Variants in KANSL1 observed in about 807,000 individuals in gnomAD.
KANSL1 encodes KAT8 regulatory NSL complex subunit 1, also known as MLL1/MLL complex subunit KANSL1.
In KANSL1, 22 loss-of-function variants were observed where a neutral mutation model predicts 103.6. That is an observed-to-expected ratio of 0.21 (90% CI 0.15 to 0.30). The LOEUF (loss-of-function observed/expected upper bound fraction) is 0.30, where lower values mean the gene tolerates loss of function less well. Ranked by LOEUF, KANSL1 falls within the 10% of genes least tolerant of loss-of-function variation. KANSL1 has a pLI of 1.00. For synonymous variants in KANSL1, 600 were observed against 527.6 expected (o/e 1.14, Z -1.88); for missense variants, 1,337 against 1,399.8 (o/e 0.96, Z 0.72).
chr17:46,034,994 T>C (rs931339114), intron 10 of KANSL1: 2 of 152,214 alleles, frequency 1.3e-5, no homozygotes, highest in Admixed American at 6.5e-5. Flanking sequence ...TAGGAAATAG[T>C]TGAGAAGACC....
chr17:46,119,511 T>C (rs776699827), intron 2 of KANSL1, among the ~76,000 whole-genome samples: 10 of 152,126 alleles, frequency 6.6e-5, no homozygotes, highest in Non-Finnish European at 5.9e-5. Flanking sequence ...TTCACCATGT[T>C]GGCCAGGCTG....
chr17:46,137,589 T>A (rs1361998889), intron 2 of KANSL1, among the ~76,000 whole-genome samples: 1 of 152,208 alleles, frequency 6.6e-6, no homozygotes, highest in Non-Finnish European at 1.5e-5. Flanking sequence ...TTTTGAAAAC[T>A]GTTTCGCCGG....
chr17:46,170,097 G>A (rs573043755), intron 2 of KANSL1, among the ~76,000 whole-genome samples: 4 of 152,198 alleles, frequency 2.6e-5, no homozygotes, highest in South Asian at 4.1e-4. Context: ...AGCTGAGATC[G>A]CACTACTGCA....
intron 7 of KANSL1, chr17:46,042,641 A>G (rs2077364426): frequency 6.6e-6 from 1 of 152,214 alleles, no homozygotes. Flanking sequence ...ACAGTACAAA[A>G]TATTTTCCAA....
intron 3 of KANSL1, among the ~76,000 whole-genome samples, chr17:46,082,919 T>C (rs2079036577): frequency 6.6e-6 from 1 of 152,216 alleles, no homozygotes; most frequent in Admixed American, 6.5e-5. Context: ...TATGACTTAC[T>C]AAGCTGAAAA....
At chr17:46,192,149 G>A (rs368783242) in intron 1 of KANSL1, among the ~76,000 whole-genome samples, 203 of 152,272 alleles carry the variant, frequency 1.3e-3, no homozygotes, top group Middle Eastern at 3.4e-3. Flanking sequence ...ATTGGAAAAC[G>A]AGGATTTTTA....
At chr17:46,084,456 T>TG (rs1023849826) in intron 3 of KANSL1, among the ~76,000 whole-genome samples, 2 of 151,518 alleles carry the variant, frequency 1.3e-5, no homozygotes, top group African/African-American at 4.9e-5. Flanking sequence ...TCCTAGCACT[T>TG]GGGGAGGTTG....
chr17:46,061,160 T>C (rs373737962), intron 6 of KANSL1, among the ~76,000 whole-genome samples: 16 of 152,300 alleles, frequency 1.1e-4, no homozygotes, highest in African/African-American at 2.4e-4. Flanking sequence ...TGCCAGACTA[T>C]ACACAAGTTT....
chr17:46,217,319 T>C (rs2148050412), intron 1 of KANSL1, among the ~76,000 whole-genome samples: 1 of 151,648 alleles, frequency 6.6e-6, no homozygotes, highest in Non-Finnish European at 1.5e-5. Context: ...CTACCAAAAA[T>C]GTAAAAATTA....
intron 4 of KANSL1, among the ~76,000 whole-genome samples, chr17:46,068,058 C>G (rs1283602615): frequency 1.3e-5 from 2 of 152,004 alleles, no homozygotes; most frequent in East Asian, 3.8e-4. Flanking sequence ...AAGTAAGTAC[C>G]TATTGACAGG....
At chr17:46,118,472 C>T (rs1220946284) in intron 2 of KANSL1, among the ~76,000 whole-genome samples, 1 of 152,224 alleles carries the variant, frequency 6.6e-6, no homozygotes, top group Non-Finnish European at 1.5e-5. Flanking sequence ...AAGCCCTACA[C>T]TAGAGATCAA....
At chr17:46,045,107 T>C (rs1568381506) in intron 7 of KANSL1, 2 of 152,042 alleles carry the variant, frequency 1.3e-5, no homozygotes, top group Non-Finnish European at 1.5e-5. Context: ...ACCACACAAA[T>C]GTTTGACCTA....
At chr17:46,074,919 A>G (rs2078705870) in intron 4 of KANSL1, among the ~76,000 whole-genome samples, 1 of 152,192 alleles carries the variant, frequency 6.6e-6, no homozygotes, top group Non-Finnish European at 1.5e-5. Context: ...AGACAAGTCA[A>G]AATCATGAAC....
intron 1 of KANSL1, among the ~76,000 whole-genome samples, chr17:46,188,337 C>G (rs1402906108): frequency 6.6e-6 from 1 of 152,262 alleles, no homozygotes; most frequent in Non-Finnish European, 1.5e-5. Flanking sequence ...ATGAGGGAAA[C>G]TTATCTTGTC....
intron 2 of KANSL1, among the ~76,000 whole-genome samples, chr17:46,146,943 T>A (rs2044741527): frequency 6.6e-6 from 1 of 151,070 alleles, no homozygotes; most frequent in East Asian, 2.0e-4. Context: ...GTGGTGCACA[T>A]CCTTAGGTAG....
intron 2 of KANSL1, among the ~76,000 whole-genome samples, chr17:46,133,934 C>A (rs1156542970): frequency 6.6e-6 from 1 of 152,130 alleles, no homozygotes; most frequent in Non-Finnish European, 1.5e-5. Flanking sequence ...GTGAAATCAA[C>A]AGATCCAAGA....
intron 7 of KANSL1, chr17:46,041,083 A>C (rs2077297351): frequency 6.6e-6 from 1 of 152,226 alleles, no homozygotes; most frequent in Non-Finnish European, 1.5e-5. Context: ...TAAAGATAGT[A>C]CCTTTTAAAA....
In KANSL1 at chr17:46,115,826, A is replaced by G. The variant is rs145978082; in HGVS notation, c.1290-21125T>C. On this transcript the variant is annotated intron_variant, in intron 2 of 14. Coordinates refer to ENST00000432791, the MANE Select transcript of KANSL1 (RefSeq NM_015443.4). ...TACCCCAGAGATCTCTAGGCTCATC[A>G]CAGAGGGTAACCACAAAATGCTTAA... is the stretch of plus-strand genomic sequence containing the variant. Among the ~76,000 whole-genome samples, 117 of 152,348 alleles carry G rather than the reference A, an allele frequency of 7.7e-4. No individual in the cohort carries two copies. The East Asian group carries it at 0.019, about 25-fold the overall frequency.
At position 46,171,275 on chromosome 17, in the gene KANSL1, C is replaced by T. The variant is rs775473139; in HGVS notation, c.869G>A (p.Arg290Gln). The part of the protein sequence containing the change: ...SDTRITALLR[R>Q]QADIESRARR... ...GGCACGGCTCTCAATGTCAGCCTGT[C>T]GCCGCAGTAAAGCTGTTATCCTTGT... Residue 290 changes from arginine to glutamine, a missense_variant, in exon 2 of 15, where the codon CGA becomes CAA. Transcript: ENST00000432791. The T allele has an allele frequency of 7.4e-6, 12 of 1,614,084 alleles. No homozygotes were observed. In the South Asian group the frequency reaches 9.9e-5, roughly 13 times the overall value.
Sources: allele counts gnomAD v4.1 joint callset (sites outside exome capture counted in the v4.1 genomes callset), GRCh38; gene constraint gnomAD v4.1.1; transcripts MANE v1.5; gene names NCBI Gene and HGNC (gene_info 2026-07-23, HGNC 2026-07-21).